CACNB2: variants seen among roughly 807,000 people sequenced by gnomAD.
CACNB2 encodes voltage-dependent L-type calcium channel subunit beta-2.
Under a neutral mutation model 73.3 loss-of-function variants are expected in CACNB2, and 42 were observed. That is an observed-to-expected ratio of 0.57 (90% CI 0.45 to 0.74). The LOEUF (loss-of-function observed/expected upper bound fraction) is 0.74, where lower values mean the gene tolerates loss of function less well. Among genes scored for constraint, CACNB2 ranks in the 30% least tolerant of loss-of-function variants. The probability of loss-of-function intolerance (pLI) is 0.00; values close to 1 mark genes in which losing one functional copy is unlikely to be tolerated. For missense variants in CACNB2, 940 were observed against 853.0 expected (o/e 1.10, Z -1.27); for synonymous variants, 348 against 310.3 (o/e 1.12, Z -1.28).
intron 3 of CACNB2, among the ~76,000 whole-genome samples, chr10:18,489,727 G>A (rs367543430): frequency 8.5e-5 from 13 of 152,274 alleles, no homozygotes; most frequent in African/African-American, 3.1e-4. Flanking sequence ...TCATTTTACA[G>A]TAAGTCCTGT....
intron 3 of CACNB2, among the ~76,000 whole-genome samples, chr10:18,456,410 C>A (rs1410943175): frequency 6.6e-6 from 1 of 152,094 alleles, no homozygotes; most frequent in Non-Finnish European, 1.5e-5. Flanking sequence ...GTGCAGTGAG[C>A]CAAGATCACA....
In CACNB2 at chr10:18,140,530, GC is replaced by G; in HGVS notation, c.-204del. 3.1e-6 allele frequency: 1 copy of G among 318,938 alleles called. No individual in the cohort carries two copies. Among genetic ancestry groups the G allele is most frequent in the East Asian group, 5.1e-5 (1 of 19,624 alleles). The allele number at this position is 318,938 out of a possible 1,614,324, so 19.8% of individuals were successfully genotyped here. A position where few individuals can be genotyped will look rare whatever the true frequency, so the allele number is the denominator to read the frequency against. Reference sequence around the variant, plus strand: ...TCCCGCCTCCCGAGCGGCTCGCTTCGCCCGATGCCCCGGCCCCGTCCCGCGC... The same window carrying G: ...TCCCGCCTCCCGAGCGGCTCGCTTCGCCGATGCCCCGGCCCCGTCCCGCGC... On this transcript the variant is annotated 5_prime_UTR_variant, in exon 1 of 14. Transcript: ENST00000324631.
intron 3 of CACNB2, among the ~76,000 whole-genome samples, chr10:18,448,409 A>C (rs1274858451): frequency 5.9e-5 from 8 of 136,748 alleles, no homozygotes; most frequent in African/African-American, 2.1e-4. Context: ...TGGGAGGCGG[A>C]GGTTGCGGTG....
intron 2 of CACNB2, among the ~76,000 whole-genome samples, chr10:18,380,646 G>T (rs559076200): frequency 9.3e-5 from 14 of 151,218 alleles, no homozygotes; most frequent in Non-Finnish European, 1.9e-4. Context: ...GTAGAGTCAG[G>T]GTTTCACCAT....
chr10:18,285,437 T>G (rs1372452155), intron 2 of CACNB2, among the ~76,000 whole-genome samples: 1 of 152,214 alleles, frequency 6.6e-6, no homozygotes, highest in East Asian at 1.9e-4. Flanking sequence ...AGCTACCAGG[T>G]GACAGCCAGC....
At chr10:18,260,684 G>A in intron 2 of CACNB2, 1 of 990,860 alleles carries the variant, frequency 1.0e-6, no homozygotes, top group Non-Finnish European at 1.2e-6. Flanking sequence ...AAACGTTACA[G>A]AGGTAACAGT....
chr10:18,394,504 C>G (rs540022346), intron 2 of CACNB2, among the ~76,000 whole-genome samples: 1 of 152,110 alleles, frequency 6.6e-6, no homozygotes, highest in Non-Finnish European at 1.5e-5. Context: ...AATTTGACTG[C>G]TAAAGGTTTA....
chr10:18,452,654 C>G (rs1564565986), intron 3 of CACNB2, among the ~76,000 whole-genome samples: 1 of 152,190 alleles, frequency 6.6e-6, no homozygotes, highest in East Asian at 1.9e-4. Flanking sequence ...AAGCCATCCT[C>G]CCACCTTGGC....
intron 3 of CACNB2, among the ~76,000 whole-genome samples, chr10:18,483,285 C>A (rs1467265653): frequency 1.3e-5 from 2 of 150,634 alleles, no homozygotes; most frequent in Non-Finnish European, 3.0e-5. Flanking sequence ...AATCCCAGCA[C>A]TTTGGGAGGC....
At chr10:18,535,569 G>T (rs1031188600) in intron 11 of CACNB2, among the ~76,000 whole-genome samples, 17 of 151,948 alleles carry the variant, frequency 1.1e-4, no homozygotes, top group Admixed American at 1.1e-3. Flanking sequence ...TCAGGAGATC[G>T]AGACCATCCT....
At position 18,407,939 on chromosome 10, in the gene CACNB2, C is replaced by A. The variant is rs550554334; in HGVS notation, c.333+5896C>A. The stretch of plus-strand genomic sequence containing the variant: ...TAAGCTTCTTTAATATTTGATGTTA[C>A]TTTTTACATAATGGAGACTTTTTTC... On this transcript the variant is annotated intron_variant, in intron 3 of 13. Transcript: ENST00000324631. Among the ~76,000 whole-genome samples, 15 of 151,982 alleles carry A rather than the reference C, an allele frequency of 9.9e-5. 1 individual carries two copies. In the South Asian group the frequency reaches 3.1e-3, roughly 32 times the overall value.
chr10:18,451,497 C>A (rs79658539), intron 3 of CACNB2, among the ~76,000 whole-genome samples: 4 of 152,098 alleles, frequency 2.6e-5, no homozygotes, highest in Admixed American at 2.6e-4. Context: ...AACTAGGTTG[C>A]GACAGAATTT....
At chr10:18,242,204 A>G in intron 2 of CACNB2, among the ~76,000 whole-genome samples, 1 of 151,932 alleles carries the variant, frequency 6.6e-6, no homozygotes. Context: ...CTGGCTTTCA[A>G]TTTATGTAAT....
At chr10:18,262,092 G>T in intron 2 of CACNB2, 1 of 504,372 alleles carries the variant, frequency 2.0e-6, no homozygotes. Flanking sequence ...ATGCAGGCTG[G>T]GCAAACTGCA....
rs1443093872 is a variant in CACNB2, at chr10:18,539,644, T to A, written c.1903T>A (p.Cys635Ser). 6.2e-7 allele frequency: 1 copy of A among 1,613,260 alleles called. No individual in the cohort carries two copies. ...RSRHKSKDRY[C>S]EKDGEVISKK... ...CCGTCATAAATCCAAGGATCGCTAC[T>A]GTGAAAAGGATGGAGAAGTGATATC... The change falls in exon 14 of 14, where the codon TGT (cysteine) becomes AGT (serine). Residue 635 changes from cysteine to serine, a missense_variant. Cys to Ser is a moderately radical substitution (Grantham distance 112). Transcript: ENST00000324631.
intron 3 of CACNB2, among the ~76,000 whole-genome samples, chr10:18,471,306 C>CAGAA (rs935262529): frequency 1.3e-5 from 2 of 152,122 alleles, no homozygotes; most frequent in Admixed American, 6.5e-5. Flanking sequence ...AACTCCATCT[C>CAGAA]AGAAAGAAAG....
chr10:18,303,760 T>A (rs2039621990), intron 2 of CACNB2, among the ~76,000 whole-genome samples: 1 of 152,210 alleles, frequency 6.6e-6, no homozygotes, highest in Admixed American at 6.5e-5. Context: ...CCTTGACTAG[T>A]TGTGGCACTA....
intron 3 of CACNB2, among the ~76,000 whole-genome samples, chr10:18,446,496 A>G (rs2046741000): frequency 6.6e-6 from 1 of 152,172 alleles, no homozygotes; most frequent in African/African-American, 2.4e-5. Flanking sequence ...CTCTGCAAGG[A>G]AAAGAATCAA....
At chr10:18,302,925 A>G (rs753943093) in intron 2 of CACNB2, among the ~76,000 whole-genome samples, 8 of 152,214 alleles carry the variant, frequency 5.3e-5, no homozygotes, top group Non-Finnish European at 1.2e-4. Context: ...TTGCAGGCAT[A>G]TTGCAGTTTT....
Sources: gnomAD v4.1 joint callset for allele counts (sites outside exome capture counted in the v4.1 genomes callset) on GRCh38, gnomAD v4.1.1 for gene constraint, MANE v1.5 for transcripts, NCBI Gene and HGNC (gene_info 2026-07-23, HGNC 2026-07-21) for gene names.